SLC1A7: variants seen among roughly 807,000 people sequenced by gnomAD.
SLC1A7 encodes the protein solute carrier family 1 member 7.
Under a neutral mutation model 47.7 loss-of-function variants are expected in SLC1A7, and 40 were observed. That is an observed-to-expected ratio of 0.84 (90% CI 0.65 to 1.09). The LOEUF is 1.09. Among genes scored for constraint, SLC1A7 ranks in the 50% least tolerant of loss-of-function variants. The pLI is 0.00. For synonymous variants in SLC1A7, 323 were observed against 325.6 expected, an observed-to-expected ratio of 0.99 and a Z score of 0.09; for missense variants, 746 against 769.5, an observed-to-expected ratio of 0.97 and a Z score of 0.36.
rs1485046548 is a variant in SLC1A7, at chr1:53,134,431, T to C, written c.136-2A>G. 1.2e-6 allele frequency: 2 copies of C among 1,606,066 alleles called. No individual in the cohort carries two copies. Among genetic ancestry groups the C allele is most frequent in the Admixed American group, 3.3e-5 (2 of 59,788 alleles). ...AGGGAACTGGAAGTAACTAATTTCC[T>C]GAAAACACAGTAAGAACTGGGGTTA... On this transcript the variant is annotated splice_acceptor_variant, in intron 1 of 10. Transcript: ENST00000371494. LOFTEE classifies it high-confidence loss of function.
At chr1:53,089,969 G>A in intron 8 of SLC1A7, 35 bp from the exon 9 acceptor site, 1 of 1,610,472 alleles carries the variant, frequency 6.2e-7, no homozygotes, top group Non-Finnish European at 8.5e-7. Context: ...GGAGCAGCAG[G>A]AGGGGCAGGG....
chr1:53,121,305 T>C lies in SLC1A7; in HGVS notation c.216-6332A>G, dbSNP rs149087849. 8.3e-4 allele frequency among the ~76,000 whole-genome samples: 126 copies of C among 152,134 alleles called. 4 individuals carry two copies. The East Asian group carries it at 0.021, about 25-fold the overall frequency. Reference sequence around the variant, plus strand: ...GTGTGCCCAGGTGACTGAGCAGCCATTGAAGGTTTCCTGAGAACAGATCAC... The same window carrying C: ...GTGTGCCCAGGTGACTGAGCAGCCACTGAAGGTTTCCTGAGAACAGATCAC... On this transcript the variant is annotated intron_variant, in intron 2 of 10. Coordinates refer to ENST00000371494, the MANE Select transcript of SLC1A7 (RefSeq NM_006671.6).
At chr1:53,133,916 G>A (rs887008035) in intron 2 of SLC1A7, among the ~76,000 whole-genome samples, 10 of 152,138 alleles carry the variant, frequency 6.6e-5, no homozygotes, top group Non-Finnish European at 1.2e-4. Context: ...TTTTACAGAT[G>A]AGGAAACTGA....
In SLC1A7 at chr1:53,092,735, C is replaced by T. The variant is rs993926197; in HGVS notation, c.850G>A (p.Asp284Asn). 4 of 1,613,898 alleles carry T rather than the reference C, an allele frequency of 2.5e-6. No homozygotes were observed. The highest frequency in any genetic ancestry group is 2.5e-6 in the Non-Finnish European group (3 of 1,179,978). The stretch of plus-strand genomic sequence containing the variant: ...TTCTTGCCGACGGCCCTGGGGTCGT[C>T]CATCTCCAGGATCTTACCCGCAATG... ...FLIAGKILEMDDPRAVGKKLG... is the reference protein window; with the variant it reads ...FLIAGKILEMNDPRAVGKKLG... The change falls in exon 7 of 11, where the codon GAC becomes AAC. Residue 284 changes from aspartate (D) to asparagine (N), a missense_variant. Transcript: ENST00000371494.
At chr1:53,090,962 C>A in intron 7 of SLC1A7, 156 bp from the exon 8 acceptor site, 2 of 1,510,332 alleles carry the variant, frequency 1.3e-6, no homozygotes, top group Non-Finnish European at 1.8e-6. Context: ...GCGGGCACTG[C>A]AGTGCTCTCA....
intron 10 of SLC1A7, among the ~76,000 whole-genome samples, chr1:53,088,611 A>G (rs1644385118): frequency 1.3e-5 from 2 of 152,196 alleles, no homozygotes; most frequent in African/African-American, 4.8e-5. Flanking sequence ...AACTGGACAG[A>G]CCATCCCGAC....
chr1:53,116,862 C>T (rs1451079379), intron 2 of SLC1A7, among the ~76,000 whole-genome samples: 2 of 152,236 alleles, frequency 1.3e-5, no homozygotes, highest in Non-Finnish European at 2.9e-5. Context: ...ATGCCCACTC[C>T]GTGCCATGCC....
At chr1:53,137,283 T>C (rs1390693756) in intron 1 of SLC1A7, among the ~76,000 whole-genome samples, 1 of 15,546 alleles carries the variant, frequency 6.4e-5, no homozygotes, top group African/African-American at 2.3e-4. Context: ...GGAGACGCTA[T>C]CTCCAAAAAA....
rs1367401289 is a variant in SLC1A7 at position 53,114,645 on chromosome 1, T to TCA, written c.431+111_431+112dup. 7 of 870,390 alleles carry TCA rather than the reference T, an allele frequency of 8.0e-6. No individual in the cohort carries two copies. The African/African-American group carries it at 1.2e-4, about 14-fold the overall frequency. 53.9% of individuals were successfully genotyped at this position (870,390 alleles called of 1,614,324 possible). On this transcript the variant is annotated intron_variant, in intron 3 of 10. Transcript: ENST00000371494. The stretch of plus-strand genomic sequence containing the variant: ...CCCAGAGCTCAACCCACCAGGGTGA[T>TCA]CATGGACTCCGTGATCACCCCCATC...
chr1:53,132,105 AT>A (rs1644947385), intron 2 of SLC1A7, among the ~76,000 whole-genome samples: 1 of 152,096 alleles, frequency 6.6e-6, no homozygotes, highest in African/African-American at 2.4e-5. Flanking sequence ...AGTATGTGAC[AT>A]GGGATGAGGT....
intron 3 of SLC1A7, among the ~76,000 whole-genome samples, chr1:53,112,797 C>T (rs1426849936): frequency 6.6e-6 from 1 of 152,168 alleles, no homozygotes; most frequent in Non-Finnish European, 1.5e-5. Flanking sequence ...GAGCCCTGGT[C>T]TAGGGGATGT....
At position 53,090,811 on chromosome 1, in the gene SLC1A7, G is replaced by A. The variant is rs1005008943; in HGVS notation, c.1032-5C>T. ...GTGATGGGCAGTGTGGCTGAGCTACGGTTAGAGGGGCCGGTGTCTGCCCAG... is the reference window on the plus strand; with the variant it reads ...GTGATGGGCAGTGTGGCTGAGCTACAGTTAGAGGGGCCGGTGTCTGCCCAG... On this transcript the variant is annotated splice_region_variant and splice_polypyrimidine_tract_variant and intron_variant, in intron 7 of 10. Transcript: ENST00000371494. The A allele has an allele frequency of 1.9e-5, 30 of 1,606,616 alleles. No individual in the cohort carries two copies. The highest frequency in any genetic ancestry group is 6.7e-5 in the East Asian group (3 of 44,558).
At chr1:53,115,215 G>A (rs1301207462) in intron 2 of SLC1A7, 2 of 574,676 alleles carry the variant, frequency 3.5e-6, no homozygotes, top group African/African-American at 1.9e-5. Flanking sequence ...GCTAGGCAGA[G>A]AGCCCAGGCC....
intron 2 of SLC1A7, among the ~76,000 whole-genome samples, chr1:53,126,446 A>AAAACCGC (rs1310131703): frequency 1.3e-5 from 2 of 152,250 alleles, no homozygotes; most frequent in African/African-American, 4.8e-5. Context: ...AAATAAACTG[A>AAAACCGC]AAACCGCAAA....
intron 2 of SLC1A7, among the ~76,000 whole-genome samples, chr1:53,129,463 A>C (rs1197867691): frequency 0.041 from 4,851 of 117,274 alleles, 22 homozygotes; most frequent in Middle Eastern, 0.068. Context: ...ACATTGTGAC[A>C]GATGAAGCCA....
chr1:53,142,411 C>T lies in SLC1A7; in HGVS notation c.39G>A (p.Val13=). ...PHAILARGRD[V]CRRNGLLILS... is the part of the protein sequence containing the mutation. ...GGATGAGGAGTCCATTCCGCCTGCA[C>T]ACGTCCCTCCCCCGTGCCAAGATGG... Residue 13 remains valine (V), a synonymous_variant, in exon 1 of 11, where the codon GTG becomes GTA. Transcript: ENST00000371494. 2 of 1,611,980 alleles carry T rather than the reference C, an allele frequency of 1.2e-6. 1 individual carries two copies. Among genetic ancestry groups the T allele is most frequent in the Non-Finnish European group, 1.7e-6 (2 of 1,179,226 alleles).
At chr1:53,105,163 A>G (rs1226032462) in intron 4 of SLC1A7, among the ~76,000 whole-genome samples, 1 of 152,248 alleles carries the variant, frequency 6.6e-6, no homozygotes, top group Non-Finnish European at 1.5e-5. Context: ...CTCTGCTACC[A>G]GGGACTATGT....
At chr1:53,099,806 C>T (rs1644550953) in intron 5 of SLC1A7, among the ~76,000 whole-genome samples, 1 of 151,500 alleles carries the variant, frequency 6.6e-6, no homozygotes, top group Admixed American at 6.6e-5. Context: ...GGTACACTTA[C>T]ACACCCCACC....
chr1:53,129,910 C>T (rs571156133), intron 2 of SLC1A7, among the ~76,000 whole-genome samples: 3 of 151,880 alleles, frequency 2.0e-5, no homozygotes, highest in African/African-American at 4.8e-5. Context: ...AAGATGCACA[C>T]GACCCTGCCC....
Sources: allele counts gnomAD v4.1 joint callset (sites outside exome capture counted in the v4.1 genomes callset), GRCh38; gene constraint gnomAD v4.1.1; transcripts MANE v1.5; gene names NCBI Gene and HGNC (gene_info 2026-07-23, HGNC 2026-07-21).